The following DGKH variants were observed in gnomAD, a reference collection of about 807,000 sequenced individuals.
The protein encoded by DGKH is diacylglycerol kinase eta, also known as DAG kinase eta.
Under a neutral mutation model 159.3 loss-of-function variants are expected in DGKH, and 90 were observed. The ratio of observed to expected loss-of-function variants is 0.57; its 90% CI spans 0.48 to 0.67. DGKH has a LOEUF of 0.67. DGKH is among the 30% of genes least tolerant of loss of function. DGKH has a pLI of 0.00. For synonymous variants in DGKH, 536 were observed against 553.8 expected (o/e 0.97, Z 0.45); for missense variants, 1,181 against 1,506.1 (o/e 0.78, Z 3.57).
At chr13:42,227,405 T>C (rs1381810811) in intron 29 of DGKH, among the ~76,000 whole-genome samples, 1 of 152,202 alleles carries the variant, frequency 6.6e-6, no homozygotes, top group East Asian at 1.9e-4. Flanking sequence ...ACAATGTATT[T>C]ATGGCCTAAA....
chr13:42,090,311 A>G (rs1192189087), intron 1 of DGKH, among the ~76,000 whole-genome samples: 1 of 152,272 alleles, frequency 6.6e-6, no homozygotes, highest in African/African-American at 2.4e-5. Flanking sequence ...TAATATTGTT[A>G]AAATTTCAGT....
chr13:42,154,876 T>TAA (rs72171903), intron 3 of DGKH, among the ~76,000 whole-genome samples: 26 of 145,914 alleles, frequency 1.8e-4, no homozygotes, highest in South Asian at 1.7e-3. Context: ...CTGCCTCTAC[T>TAA]AAAAAAAAAA....
intron 7 of DGKH, among the ~76,000 whole-genome samples, chr13:42,160,737 A>G (rs1329671508): frequency 6.6e-6 from 1 of 152,220 alleles, no homozygotes; most frequent in Non-Finnish European, 1.5e-5. Context: ...CTGCTCTACA[A>G]TGATAGTGAT....
chr13:42,041,950 G>A (rs1401355029), intron 1 of DGKH, among the ~76,000 whole-genome samples: 8 of 152,210 alleles, frequency 5.3e-5, no homozygotes, highest in African/African-American at 1.9e-4. Context: ...AGGTGCCAGG[G>A]TTGGCTGTCC....
At chr13:42,201,507 T>C (rs1414186659) in intron 20 of DGKH, among the ~76,000 whole-genome samples, 1 of 152,196 alleles carries the variant, frequency 6.6e-6, no homozygotes, top group East Asian at 1.9e-4. Flanking sequence ...TGGAAGAGCC[T>C]CAGCTCTTCA....
intron 7 of DGKH, among the ~76,000 whole-genome samples, chr13:42,163,771 C>T (rs1369123540): frequency 6.6e-6 from 1 of 151,052 alleles, no homozygotes; most frequent in Non-Finnish European, 1.5e-5. Context: ...AGCCCTTTGT[C>T]AGATGAGTAG....
chr13:42,064,667 G>A (rs1405974983), intron 1 of DGKH, among the ~76,000 whole-genome samples: 1 of 151,966 alleles, frequency 6.6e-6, no homozygotes, highest in African/African-American at 2.4e-5. Flanking sequence ...ATTTAAAAAA[G>A]GAAAGAAAGA....
intron 1 of DGKH, among the ~76,000 whole-genome samples, chr13:42,094,692 A>G (rs974495500): frequency 6.6e-6 from 1 of 152,232 alleles, no homozygotes; most frequent in East Asian, 1.9e-4. Context: ...AAATTTTTAT[A>G]CAGTCAAATT....
chr13:42,115,746 A>G (rs1954954328), intron 1 of DGKH, among the ~76,000 whole-genome samples: 1 of 152,212 alleles, frequency 6.6e-6, no homozygotes, highest in Non-Finnish European at 1.5e-5. Context: ...ATGACCAGCT[A>G]AGAGGTCTGG....
chr13:42,065,169 A>G (rs1882472004), intron 1 of DGKH, among the ~76,000 whole-genome samples: 1 of 152,186 alleles, frequency 6.6e-6, no homozygotes, highest in Non-Finnish European at 1.5e-5. Context: ...AGCTAGTGAA[A>G]TCTTCCAGTC....
chr13:42,115,450 A>G (rs1436446617), intron 1 of DGKH, among the ~76,000 whole-genome samples: 2 of 152,282 alleles, frequency 1.3e-5, no homozygotes, highest in East Asian at 1.9e-4. Context: ...AGCATGATTA[A>G]TGCTATAAAT....
intron 16 of DGKH, among the ~76,000 whole-genome samples, chr13:42,191,410 T>G (rs34059466): frequency 0.34 from 52,229 of 152,006 alleles, 10,389 homozygotes; most frequent in East Asian, 0.51. Flanking sequence ...CTGTACCTTG[T>G]TGATGATATC....
chr13:42,190,451 C>G lies in DGKH; in HGVS notation c.1961C>G (p.Ser654Cys), dbSNP rs769122394. Residue 654 changes from serine to cysteine, a missense_variant, in exon 16 of 30, where the codon TCT becomes TGT. Coordinates refer to ENST00000337343, the MANE Select transcript of DGKH (RefSeq NM_178009.5). ...VHPCEPANQS[S>C]DYDSTETDES... ...CCCTGTGAACCAGCTAATCAGTCCT[C>G]TGATTATGACAGCACAGAAACAGAT... The G allele has an allele frequency of 1.9e-6, 3 of 1,611,692 alleles. No homozygotes were observed. Among genetic ancestry groups the G allele is most frequent in the Non-Finnish European group, 2.5e-6 (3 of 1,179,114 alleles).
chr13:42,101,772 T>TGTGA (rs1555261268), intron 1 of DGKH, among the ~76,000 whole-genome samples: 1 of 148,844 alleles, frequency 6.7e-6, no homozygotes, highest in Non-Finnish European at 1.5e-5. Context: ...TGTGTGTGTG[T>TGTGA]GAGAGAGAGA....
chr13:42,256,416 C>T, exon 31 of DGKH: 1 of 1,576,396 alleles, frequency 6.3e-7, no homozygotes, highest in South Asian at 1.1e-5. Context: ...GCAAAGATTG[C>T]TAAGACAGCA....
intron 1 of DGKH, among the ~76,000 whole-genome samples, chr13:42,071,744 A>G (rs1365172281): frequency 6.6e-6 from 1 of 152,224 alleles, no homozygotes; most frequent in African/African-American, 2.4e-5. Context: ...TCTCTGACTC[A>G]TCAAGAGAGT....
At chr13:42,044,728 A>G (rs1880709673), upstream of DGKH, among the ~76,000 whole-genome samples, 2 of 152,232 alleles carry the variant, frequency 1.3e-5, no homozygotes, top group Non-Finnish European at 2.9e-5. Context: ...CATTGGGCCT[A>G]AAGAAGATAA....
At position 42,159,307 on chromosome 13, in the gene DGKH, A is replaced by C. The variant is rs781052180; in HGVS notation, c.664A>C (p.Thr222Pro). The part of the protein sequence containing the change: ...KAHKRCAVRA[T>P]NNCKWTTLAS... ...TCACAAAAGATGTGCAGTGAGAGCA[A>C]CAAATAACTGTAAATGGACTACCCT... The change falls in exon 6 of 30, where the codon ACA becomes CCA. Residue 222 changes from threonine to proline, a missense_variant. Thr to Pro is a conservative substitution (Grantham distance 38). Around this residue, in one of 5 missense-constraint regions of DGKH, gnomAD observed 369 missense variants for 519.4 expected, o/e 0.71. Transcript: ENST00000337343. 5.3e-6 allele frequency: 8 copies of C among 1,505,176 alleles called. No homozygotes were observed. The highest frequency in any genetic ancestry group is 7.1e-6 in the Non-Finnish European group (8 of 1,119,638). 93.2% of individuals were successfully genotyped at this position (1,505,176 alleles called of 1,614,324 possible). A position where few individuals can be genotyped will look rare whatever the true frequency, so the allele number is the denominator to read the frequency against.
intron 7 of DGKH, among the ~76,000 whole-genome samples, chr13:42,161,570 A>G (rs916320706): frequency 2.0e-5 from 3 of 147,836 alleles, no homozygotes; most frequent in Non-Finnish European, 4.5e-5. Flanking sequence ...TCATGGGGTC[A>G]GGAGATCAAG....
Sources: allele counts gnomAD v4.1 joint callset (sites outside exome capture counted in the v4.1 genomes callset), GRCh38; gene constraint gnomAD v4.1.1; regional missense constraint gnomAD v4.1.1; transcripts MANE v1.5; gene names NCBI Gene and HGNC (gene_info 2026-07-23, HGNC 2026-07-21).